NCK2: variants seen among roughly 807,000 people sequenced by gnomAD.
NCK2 encodes cytoplasmic protein NCK2.
A neutral mutation model predicts 33.9 loss-of-function variants in NCK2; 16 were observed. The observed-to-expected ratio is 0.47, with a 90% CI of 0.32 to 0.72. The LOEUF (loss-of-function observed/expected upper bound fraction) is 0.72. Among genes scored for constraint, NCK2 ranks in the 30% least tolerant of loss-of-function variants. NCK2 has a pLI of 0.03. For synonymous variants in NCK2, 273 were observed against 239.9 expected (o/e 1.14, Z -1.27); for missense variants, 418 against 537.3 (o/e 0.78, Z 2.19).
intron 2 of NCK2, among the ~76,000 whole-genome samples, chr2:105,819,247 C>T (rs765500142): frequency 3.3e-5 from 5 of 150,820 alleles, no homozygotes; most frequent in Non-Finnish European, 5.9e-5. Context: ...CAGACACCAT[C>T]GGGGTGTTCC....
At chr2:105,780,372 A>G (rs1690452328) in intron 1 of NCK2, among the ~76,000 whole-genome samples, 1 of 151,188 alleles carries the variant, frequency 6.6e-6, no homozygotes. Flanking sequence ...ACATTCATCT[A>G]AAGGACACAC....
rs924140372 is a variant in NCK2, at chr2:105,891,354, G to A, written c.949-1628G>A. Among the ~76,000 whole-genome samples the A allele has an allele frequency of 2.6e-5, 4 of 151,706 alleles. No individual in the cohort carries two copies. The South Asian group carries it at 6.3e-4, about 24-fold the overall frequency. Reference sequence around the variant, plus strand: ...CTGTTCCCCACACCAGATTGTCACAGAGCATATGTCCTGCATGCACACACA... The same window carrying A: ...CTGTTCCCCACACCAGATTGTCACAAAGCATATGTCCTGCATGCACACACA... On this transcript the variant is annotated intron_variant, in intron 4 of 4. Transcript: ENST00000233154.
intron 2 of NCK2, among the ~76,000 whole-genome samples, chr2:105,828,304 C>G (rs1262709063): frequency 6.6e-6 from 1 of 152,186 alleles, no homozygotes; most frequent in Non-Finnish European, 1.5e-5. Context: ...ACGAATTTCC[C>G]TGTTCCCTGC....
intron 1 of NCK2, among the ~76,000 whole-genome samples, chr2:105,770,152 A>G (rs143911032): frequency 3.3e-3 from 499 of 151,732 alleles, no homozygotes; most frequent in Non-Finnish European, 5.4e-3. Flanking sequence ...AGAAAAAGGT[A>G]TATTGCAACA....
At position 105,894,048 on chromosome 2, in the gene NCK2, A is replaced by G. The variant is rs1051984774; in HGVS notation, c.*872A>G. 1 of 152,344 alleles carries G rather than the reference A, an allele frequency of 6.6e-6. No homozygotes were observed. The highest frequency in any genetic ancestry group is 1.5e-5 in the Non-Finnish European group (1 of 67,986). The allele number at this position is 152,344 out of a possible 1,614,324, so 9.4% of individuals were successfully genotyped here. A position where few individuals can be genotyped will look rare whatever the true frequency, so the allele number is the denominator to read the frequency against. On this transcript the variant is annotated 3_prime_UTR_variant, in exon 5 of 5. Transcript: ENST00000233154. The stretch of plus-strand genomic sequence containing the variant: ...TATATATATATATTATTTACAGGGA[A>G]ATTTTTCAGGGTTTACAAAAGAGTA...
chr2:105,798,746 C>G (rs887714479), intron 1 of NCK2, among the ~76,000 whole-genome samples: 1 of 152,128 alleles, frequency 6.6e-6, no homozygotes, highest in African/African-American at 2.4e-5. Context: ...GCAGATGAAC[C>G]AGGCAGCAAA....
intron 1 of NCK2, among the ~76,000 whole-genome samples, chr2:105,760,384 C>G (rs1689730440): frequency 6.6e-6 from 1 of 152,192 alleles, no homozygotes; most frequent in Non-Finnish European, 1.5e-5. Flanking sequence ...GGAATTCTTC[C>G]TGTTGCACGA....
At position 105,893,266 on chromosome 2, in the gene NCK2, C is replaced by G. The variant is rs1211987704; in HGVS notation, c.*90C>G. The G allele has an allele frequency of 7.9e-6, 10 of 1,259,636 alleles. No individual in the cohort carries two copies. Among genetic ancestry groups the G allele is most frequent in the Admixed American group, 2.6e-5 (1 of 37,878 alleles). The allele number at this position is 1,259,636 out of a possible 1,614,324, so 78.0% of individuals were successfully genotyped here. A position where few individuals can be genotyped will look rare whatever the true frequency, so the allele number is the denominator to read the frequency against. ...CAGAGGCTCCTCCCGCGGGGACGGC[C>G]CCGACGGCTTCTCTGCGAGTCTCTC... is the stretch of plus-strand genomic sequence containing the variant. On this transcript the variant is annotated 3_prime_UTR_variant, in exon 5 of 5. Transcript: ENST00000233154.
intron 2 of NCK2, among the ~76,000 whole-genome samples, chr2:105,830,041 G>T (rs940943178): frequency 6.6e-6 from 1 of 152,086 alleles, no homozygotes; most frequent in African/African-American, 2.4e-5. Context: ...AGTGTGTAAT[G>T]ATCAAATCAG....
At chr2:105,768,693 A>G (rs1181357706) in intron 1 of NCK2, among the ~76,000 whole-genome samples, 3 of 152,226 alleles carry the variant, frequency 2.0e-5, no homozygotes, top group East Asian at 1.9e-4. Context: ...TCTTTTTCTC[A>G]TCAGCTGCAG....
intron 3 of NCK2, among the ~76,000 whole-genome samples, chr2:105,856,125 T>C (rs554246510): frequency 5.3e-4 from 81 of 152,296 alleles, no homozygotes; most frequent in East Asian, 1.9e-4. Flanking sequence ...TGAGCCACCG[T>C]GCCCGGCTCC....
intron 1 of NCK2, among the ~76,000 whole-genome samples, chr2:105,806,719 C>T (rs894828342): frequency 8.6e-5 from 13 of 151,402 alleles, no homozygotes; most frequent in Admixed American, 1.3e-4. Flanking sequence ...GGAAAAAAAT[C>T]ACGTTGATTC....
chr2:105,825,440 A>T (rs1437966301), intron 2 of NCK2, among the ~76,000 whole-genome samples: 1 of 152,208 alleles, frequency 6.6e-6, no homozygotes, highest in Non-Finnish European at 1.5e-5. Flanking sequence ...TATGCTCAGA[A>T]ATTTAACAAA....
chr2:105,821,485 GTA>G (rs943716296), intron 2 of NCK2, among the ~76,000 whole-genome samples: 1 of 152,166 alleles, frequency 6.6e-6, no homozygotes, highest in African/African-American at 2.4e-5. Context: ...TGTTTCTTCT[GTA>G]CAGTGTACCG....
chr2:105,848,007 G>GT (rs529970115), intron 2 of NCK2, among the ~76,000 whole-genome samples: 136 of 152,236 alleles, frequency 8.9e-4, no homozygotes, highest in Non-Finnish European at 1.6e-3. Context: ...ACATCTTTCT[G>GT]TTTAAGTTTT....
At chr2:105,886,045 C>T (rs1374296226) in intron 4 of NCK2, among the ~76,000 whole-genome samples, 2 of 152,132 alleles carry the variant, frequency 1.3e-5, no homozygotes, top group Admixed American at 1.3e-4. Flanking sequence ...GGTTAGGCTC[C>T]GTGATCCATG....
chr2:105,827,479 AG>A (rs757257611), intron 2 of NCK2, among the ~76,000 whole-genome samples: 6 of 152,236 alleles, frequency 3.9e-5, no homozygotes, highest in African/African-American at 1.2e-4. Flanking sequence ...GCAGGGCTAT[AG>A]GAACACTCAC....
chr2:105,846,308 G>A (rs190499364), intron 2 of NCK2, among the ~76,000 whole-genome samples: 1 of 152,226 alleles, frequency 6.6e-6, no homozygotes, highest in Admixed American at 6.5e-5. Flanking sequence ...TTAGAGTCTA[G>A]TCTGCAGAAC....
intron 1 of NCK2, among the ~76,000 whole-genome samples, chr2:105,814,822 G>A (rs1408448004): frequency 6.6e-6 from 1 of 152,222 alleles, no homozygotes; most frequent in African/African-American, 2.4e-5. Context: ...GGGGAGGCCT[G>A]TATTTGGACA....
Sources: gnomAD v4.1 joint callset for allele counts (sites outside exome capture counted in the v4.1 genomes callset) on GRCh38, gnomAD v4.1.1 for gene constraint, MANE v1.5 for transcripts, NCBI Gene and HGNC (gene_info 2026-07-23, HGNC 2026-07-21) for gene names.